SSR1: variants seen among roughly 807,000 people sequenced by gnomAD.
SSR1 encodes signal sequence receptor subunit 1.
A neutral mutation model predicts 36.1 loss-of-function variants in SSR1; 13 were observed. That is an observed-to-expected ratio of 0.36 (90% CI 0.23 to 0.57). SSR1 has a LOEUF of 0.57. Among genes scored for constraint, SSR1 ranks in the 20% least tolerant of loss-of-function variants. The pLI is 0.81. For synonymous variants in SSR1, 113 were observed against 118.9 expected, an observed-to-expected ratio of 0.95 and a Z score of 0.32; for missense variants, 291 against 338.5, an observed-to-expected ratio of 0.86 and a Z score of 1.10.
At chr6:7,295,683 T>G (rs1438176964) in intron 6 of SSR1, among the ~76,000 whole-genome samples, 198 bp from the exon 7 acceptor site, 2 of 152,222 alleles carry the variant, frequency 1.3e-5, no homozygotes, top group African/African-American at 4.8e-5. Context: ...ACTCTAATTT[T>G]TAAAACACCT....
At chr6:7,290,049 C>T (rs9505117) in intron 7 of SSR1, 118 bp from the exon 8 acceptor site, 288,831 of 731,062 alleles carry the variant, frequency 0.4, 57,805 homozygotes, top group East Asian at 0.42. Context: ...CATGGGTGAA[C>T]ACCATCTAAT....
Position 7,282,802 on chromosome 6 carries a change from A to G in SSR1, c.*7062T>C, listed in dbSNP as rs1387091240. The G allele has an allele frequency of 2.6e-5, 4 of 152,264 alleles. No individual in the cohort carries two copies. Among genetic ancestry groups the G allele is most frequent in the Non-Finnish European group, 5.9e-5 (4 of 68,062 alleles). The allele number at this position is 152,264 out of a possible 1,614,324, so 9.4% of individuals were successfully genotyped here. On this transcript the variant is annotated 3_prime_UTR_variant, in exon 8 of 8. Transcript: ENST00000244763. Reference sequence around the variant, plus strand: ...AAAGGGCCAGCAGCTTGTAGGACCAAATGAGAAAAATACATAATCATTATG... The same window carrying G: ...AAAGGGCCAGCAGCTTGTAGGACCAGATGAGAAAAATACATAATCATTATG...
intron 7 of SSR1, among the ~76,000 whole-genome samples, chr6:7,292,658 C>G (rs1173915314): frequency 6.6e-6 from 1 of 152,072 alleles, no homozygotes; most frequent in South Asian, 2.1e-4. Flanking sequence ...GTAGCTGAGA[C>G]TACATGTGCA....
In SSR1 at chr6:7,282,749, C is replaced by T. The variant is rs1212368014; in HGVS notation, c.*7115G>A. The T allele has an allele frequency of 6.6e-6, 1 of 152,234 alleles. No homozygotes were observed. The highest frequency in any genetic ancestry group is 1.5e-5 in the Non-Finnish European group (1 of 68,052). 9.4% of individuals were successfully genotyped at this position (152,234 alleles called of 1,614,324 possible). On this transcript the variant is annotated 3_prime_UTR_variant, in exon 8 of 8. Coordinates refer to ENST00000244763, the MANE Select transcript of SSR1 (RefSeq NM_003144.5). Reference sequence around the variant, plus strand: ...GCTGTGTCTGCAGGCTCAGCCTCCTCTAGATCTGATTCCCACAGTGGAGGG... The same window carrying T: ...GCTGTGTCTGCAGGCTCAGCCTCCTTTAGATCTGATTCCCACAGTGGAGGG...
At chr6:7,301,212 A>C in intron 4 of SSR1, 98 bp downstream of exon 4, 1 of 1,445,494 alleles carries the variant, frequency 6.9e-7, no homozygotes, top group Non-Finnish European at 9.2e-7. Flanking sequence ...GTTCAACCAC[A>C]AAACAGGCAA....
At chr6:7,303,088 G>C (rs547973800) in intron 3 of SSR1, among the ~76,000 whole-genome samples, 2 of 128,158 alleles carry the variant, frequency 1.6e-5, no homozygotes, top group Admixed American at 9.4e-5. Context: ...GCAGTGAGCC[G>C]AGATCATACC....
rs1347268386 is a variant in SSR1 at position 7,288,781 on chromosome 6, C to G, written c.*1083G>C. ...ATGAAGTACAATTTAATTTTGGTTC[C>G]AGTCTCAAGCACTTAAGAACAATTT... On this transcript the variant is annotated 3_prime_UTR_variant, in exon 8 of 8. Transcript: ENST00000244763. 6.6e-6 allele frequency: 1 copy of G among 152,438 alleles called. No individual in the cohort carries two copies. The highest frequency in any genetic ancestry group is 2.4e-5 in the African/African-American group (1 of 41,400). 9.4% of individuals were successfully genotyped at this position (152,438 alleles called of 1,614,324 possible). A position where few individuals can be genotyped will look rare whatever the true frequency, so the allele number is the denominator to read the frequency against.
chr6:7,309,952 C>T lies in SSR1; in HGVS notation c.157G>A (p.Glu53Lys). 6.2e-7 allele frequency: 1 copy of T among 1,614,004 alleles called. No homozygotes were observed. Among genetic ancestry groups the T allele is most frequent in the Non-Finnish European group, 8.5e-7 (1 of 1,179,972 alleles). Residue 53 changes from glutamate (E) to lysine (K), a missense_variant, in exon 2 of 8, where the codon GAA (glutamate) becomes AAA (lysine). By Grantham distance (56) the Glu-to-Lys change is moderately conservative. Coordinates refer to ENST00000244763, the MANE Select transcript of SSR1 (RefSeq NM_003144.5). ...GGTTCATCTTCTTCTACCTCGGCTTCATCATCTTCATCCTCAATTATGGAA... is the reference window on the plus strand; with the variant it reads ...GGTTCATCTTCTTCTACCTCGGCTTTATCATCTTCATCCTCAATTATGGAA... ...EDSIIEDEDD[E>K]AEVEEDEPTD...
At chr6:7,309,269 G>A (rs565866239) in intron 2 of SSR1, among the ~76,000 whole-genome samples, 5 of 152,210 alleles carry the variant, frequency 3.3e-5, no homozygotes, top group Non-Finnish European at 4.4e-5. Context: ...ACTAGCCTGG[G>A]CAACATAGCA....
intron 1 of SSR1, among the ~76,000 whole-genome samples, chr6:7,311,214 T>C (rs943539399): frequency 6.6e-6 from 1 of 151,926 alleles, no homozygotes; most frequent in Non-Finnish European, 1.5e-5. Context: ...ACAGGTATAA[T>C]GCAAAAAAAA....
In SSR1 at chr6:7,285,003, C is replaced by T. The variant is rs1351242398; in HGVS notation, c.*4861G>A. The T allele has an allele frequency of 6.6e-6, 1 of 152,176 alleles. No homozygotes were observed. The highest frequency in any genetic ancestry group is 1.5e-5 in the Non-Finnish European group (1 of 68,044). 9.4% of individuals were successfully genotyped at this position (152,176 alleles called of 1,614,324 possible). A position where few individuals can be genotyped will look rare whatever the true frequency, so the allele number is the denominator to read the frequency against. On this transcript the variant is annotated 3_prime_UTR_variant, in exon 8 of 8. Transcript: ENST00000244763. This position sits in a 1 kb window ranked among gnomAD's most constrained non-coding sequence, Gnocchi z 4.1. ...CAGAATTGCCAATACTAGCGTATCA[C>T]CAGGAATACTTACGAACCATACTAA... is the stretch of plus-strand genomic sequence containing the variant.
chr6:7,303,349 ACAGT>A (rs1159522847), intron 3 of SSR1, among the ~76,000 whole-genome samples, 197 bp downstream of exon 3: 1 of 152,096 alleles, frequency 6.6e-6, no homozygotes, highest in Non-Finnish European at 1.5e-5. Context: ...TTTGAAAAGG[ACAGT>A]CAATTTCTAG....
chr6:7,290,895 G>C (rs750437484), intron 7 of SSR1, among the ~76,000 whole-genome samples: 6 of 151,872 alleles, frequency 4.0e-5, no homozygotes, highest in Non-Finnish European at 7.4e-5. Flanking sequence ...TGTTTATCAA[G>C]AATATTTATT....
intron 1 of SSR1, among the ~76,000 whole-genome samples, chr6:7,310,555 C>A (rs1039612091): frequency 1.3e-5 from 2 of 152,172 alleles, no homozygotes; most frequent in Non-Finnish European, 2.9e-5. Flanking sequence ...TAAGAAACTT[C>A]TAAATGTAAT....
At chr6:7,304,074 A>C (rs1279505826) in intron 2 of SSR1, among the ~76,000 whole-genome samples, 5 of 152,192 alleles carry the variant, frequency 3.3e-5, no homozygotes, top group Admixed American at 3.3e-4. Context: ...TTAAAACAGA[A>C]CTTTTGGAGC....
intron 3 of SSR1, among the ~76,000 whole-genome samples, chr6:7,302,766 A>C (rs1436479343): frequency 6.6e-6 from 1 of 151,998 alleles, no homozygotes; most frequent in African/African-American, 2.4e-5. Context: ...ATCTCAAAAA[A>C]CAAACAAACA....
In SSR1 at chr6:7,298,020, A is replaced by G; in HGVS notation, c.621-19T>C. On this transcript the variant is annotated intron_variant, in intron 5 of 7. Coordinates refer to ENST00000244763, the MANE Select transcript of SSR1 (RefSeq NM_003144.5). ...AAAGATTCTGGTACAAAAGGAGAAAATATGAACTGTCTTTAATTCAGAGGA... is the reference window on the plus strand; with the variant it reads ...AAAGATTCTGGTACAAAAGGAGAAAGTATGAACTGTCTTTAATTCAGAGGA... The G allele has an allele frequency of 6.3e-7, 1 of 1,582,002 alleles. No individual in the cohort carries two copies. The highest frequency in any genetic ancestry group is 8.7e-7 in the Non-Finnish European group (1 of 1,151,956).
At chr6:7,302,609 A>G (rs556026093) in intron 3 of SSR1, among the ~76,000 whole-genome samples, 1 of 152,182 alleles carries the variant, frequency 6.6e-6, no homozygotes, top group South Asian at 2.1e-4. Flanking sequence ...TAAAAATACA[A>G]AAATTAGCTG....
At chr6:7,297,216 CAA>C (rs55729286) in intron 6 of SSR1, 30 of 73,398 alleles carry the variant, frequency 4.1e-4, no homozygotes, top group South Asian at 2.3e-3. Context: ...CAGACTGTCT[CAA>C]AAAAAAAAAA....
Sources: gnomAD v4.1 joint callset for allele counts (sites outside exome capture counted in the v4.1 genomes callset) on GRCh38, gnomAD v4.1.1 for gene constraint, Gnocchi (gnomAD v3.1) non-coding constraint, MANE v1.5 for transcripts, NCBI Gene and HGNC (gene_info 2026-07-23, HGNC 2026-07-21) for gene names.